The following ATP8A1 variants were observed in gnomAD, a reference collection of about 807,000 sequenced individuals.
The protein encoded by ATP8A1 is phospholipid-transporting ATPase IA.
In ATP8A1, 90 loss-of-function variants were observed where a neutral mutation model predicts 177.7. The observed-to-expected ratio is 0.51, with a 90% CI of 0.43 to 0.60. The LOEUF (loss-of-function observed/expected upper bound fraction) is 0.60, where lower values mean the gene tolerates loss of function less well. Ranked by LOEUF, ATP8A1 falls within the 20% of genes least tolerant of loss-of-function variation. The pLI, the probability that ATP8A1 is intolerant of heterozygous loss-of-function variation, is 0.00. For missense variants in ATP8A1, 1,072 were observed against 1,392.8 expected, an observed-to-expected ratio of 0.77 and a Z score of 3.67; for synonymous variants, 493 against 485.9, an observed-to-expected ratio of 1.01 and a Z score of -0.19.
intron 25 of ATP8A1, among the ~76,000 whole-genome samples, chr4:42,467,596 G>A (rs1238007366): frequency 6.6e-6 from 1 of 152,216 alleles, no homozygotes; most frequent in Non-Finnish European, 1.5e-5. Flanking sequence ...GGGAAGCTGA[G>A]TCAGGAGAAT....
chr4:42,410,359 C>A lies in ATP8A1; in HGVS notation c.*2557G>T, dbSNP rs1290682128. The A allele has an allele frequency of 2.6e-5, 4 of 151,950 alleles. No homozygotes were observed. Among genetic ancestry groups the A allele is most frequent in the African/African-American group, 9.7e-5 (4 of 41,366 alleles). The allele number at this position is 151,950 out of a possible 1,614,324, so 9.4% of individuals were successfully genotyped here. A position where few individuals can be genotyped will look rare whatever the true frequency, so the allele number is the denominator to read the frequency against. ...AACTGTGTTAGCATTTGCCAGAGTC[C>A]CTATAAGGAACTTTTTAATTGAAGA... On this transcript the variant is annotated 3_prime_UTR_variant, in exon 37 of 37. Transcript: ENST00000381668.
At chr4:42,595,296 C>A (rs927748866) in intron 6 of ATP8A1, among the ~76,000 whole-genome samples, 9 of 152,138 alleles carry the variant, frequency 5.9e-5, no homozygotes, top group Non-Finnish European at 1.3e-4. Flanking sequence ...AGAATAGTGT[C>A]TTTTGTGGGA....
intron 33 of ATP8A1, among the ~76,000 whole-genome samples, chr4:42,424,673 A>T (rs915196798): frequency 6.6e-6 from 1 of 152,224 alleles, no homozygotes; most frequent in Non-Finnish European, 1.5e-5. Flanking sequence ...AAACATAAAC[A>T]TTTCTAATTT....
chr4:42,443,391 AT>A (rs1716845569), intron 33 of ATP8A1, among the ~76,000 whole-genome samples, 173 bp downstream of exon 33: 1 of 152,256 alleles, frequency 6.6e-6, no homozygotes, highest in South Asian at 2.1e-4. Flanking sequence ...AGTTTAAAAT[AT>A]TCTCTCAAGA....
rs75244880 is a variant in ATP8A1, at chr4:42,630,226, A to T, written c.50-3117T>A. Among the ~76,000 whole-genome samples the T allele has an allele frequency of 9.4e-3, 1,426 of 152,264 alleles. 12 individuals are homozygous for T. Among genetic ancestry groups the T allele is most frequent in the African/African-American group, 0.033 (1,370 of 41,546 alleles). On this transcript the variant is annotated intron_variant, in intron 1 of 36. Coordinates refer to ENST00000381668, the MANE Select transcript of ATP8A1 (RefSeq NM_006095.2). ...AATCAAAATAGGAGAATCCTTTACC[A>T]CCCTGCCCCAAAGAGGGTCAAACTA...
chr4:42,438,605 C>G (rs1716265619), intron 33 of ATP8A1, among the ~76,000 whole-genome samples: 1 of 152,008 alleles, frequency 6.6e-6, no homozygotes, highest in Admixed American at 6.6e-5. Context: ...GAGATGGGAG[C>G]ACTTTCATAT....
At position 42,627,037 on chromosome 4, in the gene ATP8A1, A is replaced by T. The variant is rs1455026403; in HGVS notation, c.122T>A (p.Ile41Asn). The T allele has an allele frequency of 6.2e-7, 1 of 1,614,012 alleles. No individual in the cohort carries two copies. Among genetic ancestry groups the T allele is most frequent in the Non-Finnish European group, 8.5e-7 (1 of 1,179,996 alleles). Residue 41 changes from isoleucine (I) to asparagine (N), a missense_variant, in exon 2 of 37, where the codon ATC becomes AAC. Ile to Asn is a moderately radical substitution (Grantham distance 149). Around this residue, in one of 5 missense-constraint regions of ATP8A1, gnomAD observed 344 missense variants for 393.5 expected, o/e 0.87. Coordinates refer to ENST00000381668, the MANE Select transcript of ATP8A1 (RefSeq NM_006095.2). ...ADQEEVRTIF[I>N]NQPQLTKFCN... is the part of the protein sequence containing the mutation. ...GAATTTTGTCAGCTGGGGCTGGTTGATGAAAATAGTCCTTACTTCCTCCTG... is the reference window on the plus strand; with the variant it reads ...GAATTTTGTCAGCTGGGGCTGGTTGTTGAAAATAGTCCTTACTTCCTCCTG...
intron 21 of ATP8A1, 82 bp from the exon 22 acceptor site, chr4:42,522,381 T>A: frequency 2.0e-6 from 3 of 1,518,008 alleles, no homozygotes; most frequent in Non-Finnish European, 2.7e-6. Flanking sequence ...TTTCACAAAG[T>A]CCCATTTTGA....
chr4:42,527,780 C>T (rs911795038), intron 20 of ATP8A1, among the ~76,000 whole-genome samples: 1 of 152,184 alleles, frequency 6.6e-6, no homozygotes, highest in African/African-American at 2.4e-5. Flanking sequence ...TTTTGAGTTA[C>T]AAAAACAGAG....
At chr4:42,635,564 C>G (rs1175397978) in intron 1 of ATP8A1, among the ~76,000 whole-genome samples, 1 of 151,452 alleles carries the variant, frequency 6.6e-6, no homozygotes, top group Non-Finnish European at 1.5e-5. Flanking sequence ...TTTACAAGCA[C>G]AACTGCAGAA....
chr4:42,645,306 T>C (rs1192647580), intron 1 of ATP8A1, among the ~76,000 whole-genome samples: 1 of 152,222 alleles, frequency 6.6e-6, no homozygotes, highest in Non-Finnish European at 1.5e-5. Flanking sequence ...ACCAAAAATA[T>C]TGATTTTCTT....
At chr4:42,495,072 CA>C (rs1352453130) in intron 24 of ATP8A1, among the ~76,000 whole-genome samples, 1 of 152,170 alleles carries the variant, frequency 6.6e-6, no homozygotes, top group Non-Finnish European at 1.5e-5. Context: ...TAAACTAACA[CA>C]TATTTTATTA....
At chr4:42,609,126 T>C (rs1051233430) in intron 5 of ATP8A1, among the ~76,000 whole-genome samples, 1 of 152,202 alleles carries the variant, frequency 6.6e-6, no homozygotes, top group East Asian at 1.9e-4. Context: ...TCAAATTGGT[T>C]GATACTACTT....
chr4:42,526,516 A>G (rs1382022779), intron 20 of ATP8A1, among the ~76,000 whole-genome samples: 1 of 152,126 alleles, frequency 6.6e-6, no homozygotes, highest in African/African-American at 2.4e-5. Flanking sequence ...GCGAATATAA[A>G]GCAGGTAGAA....
chr4:42,458,967 A>G (rs1482737083), intron 27 of ATP8A1, among the ~76,000 whole-genome samples: 1 of 152,182 alleles, frequency 6.6e-6, no homozygotes, highest in Non-Finnish European at 1.5e-5. Context: ...ACATTCAATG[A>G]TGTGTTTTCT....
intron 23 of ATP8A1, among the ~76,000 whole-genome samples, chr4:42,503,953 T>C (rs2153193556): frequency 6.6e-6 from 1 of 152,268 alleles, no homozygotes; most frequent in Admixed American, 6.5e-5. Flanking sequence ...CCTGGGAGAA[T>C]CAGTACATCC....
At chr4:42,470,218 T>A (rs1720247152) in intron 25 of ATP8A1, among the ~76,000 whole-genome samples, 1 of 152,262 alleles carries the variant, frequency 6.6e-6, no homozygotes, top group African/African-American at 2.4e-5. Flanking sequence ...AACCTAGACG[T>A]GCACTGAGTG....
chr4:42,448,336 T>C (rs1413076477), intron 30 of ATP8A1, among the ~76,000 whole-genome samples: 1 of 151,588 alleles, frequency 6.6e-6, no homozygotes, highest in Non-Finnish European at 1.5e-5. Flanking sequence ...CCAATAATTG[T>C]GGATAGTCTT....
At chr4:42,520,976 C>T (rs1298076835) in intron 22 of ATP8A1, among the ~76,000 whole-genome samples, 1 of 152,066 alleles carries the variant, frequency 6.6e-6, no homozygotes, top group Non-Finnish European at 1.5e-5. Flanking sequence ...AACATGGCAT[C>T]CCCACATTAC....
Sources: gnomAD v4.1 joint callset for allele counts (sites outside exome capture counted in the v4.1 genomes callset) on GRCh38, gnomAD v4.1.1 for gene constraint, gnomAD v4.1.1 regional missense constraint, MANE v1.5 for transcripts, NCBI Gene and HGNC (gene_info 2026-07-23, HGNC 2026-07-21) for gene names.